ENOSF1: variants seen among roughly 807,000 people sequenced by gnomAD.
The protein encoded by ENOSF1 is mitochondrial enolase superfamily member 1.
A neutral mutation model predicts 68.2 loss-of-function variants in ENOSF1; 73 were observed. That is an observed-to-expected ratio of 1.07 (90% CI 0.89 to 1.30). The LOEUF (loss-of-function observed/expected upper bound fraction) is 1.30, where lower values mean the gene tolerates loss of function less well. ENOSF1 is among the 50% of genes most tolerant of loss of function. ENOSF1 has a pLI of 0.00. For synonymous variants in ENOSF1, 223 were observed against 210.4 expected (o/e 1.06, Z -0.52); for missense variants, 589 against 554.5 (o/e 1.06, Z -0.62).
chr18:693,375 G>A, intron 5 of ENOSF1: 1 of 1,164,392 alleles, frequency 8.6e-7, no homozygotes, highest in Non-Finnish European at 1.1e-6. Context: ...GAGTGCAGTG[G>A]TGCAATTATA....
chr18:690,667 T>C (rs2077051783), intron 7 of ENOSF1, 36 bp from the exon 8 acceptor site: 7 of 1,529,994 alleles, frequency 4.6e-6, no homozygotes, highest in South Asian at 1.2e-5. Context: ...TTTTGCACTT[T>C]CCAGGGCCCT....
Position 672,958 on chromosome 18 carries a change from C to T in ENOSF1, c.*1347G>A. 3.8e-6 allele frequency: 6 copies of T among 1,584,788 alleles called. No homozygotes were observed. Among genetic ancestry groups the T allele is most frequent in the Non-Finnish European group, 5.2e-6 (6 of 1,157,952 alleles). On this transcript the variant is annotated 3_prime_UTR_variant, in exon 16 of 16. Transcript: ENST00000647584. Reference sequence around the variant, plus strand: ...CTGAAGACTTTCAGATTGAAGGGTACAATCCGCATCCAACTATTAAAATGG... The same window carrying T: ...CTGAAGACTTTCAGATTGAAGGGTATAATCCGCATCCAACTATTAAAATGG...
intron 1 of ENOSF1, among the ~76,000 whole-genome samples, chr18:711,310 C>T (rs896092038): frequency 3.9e-5 from 6 of 152,098 alleles, no homozygotes; most frequent in African/African-American, 1.4e-4. Context: ...TAAAACATTT[C>T]AGGTACAAAA....
chr18:686,985 T>TC (rs954150009), intron 9 of ENOSF1: 10 of 152,024 alleles, frequency 6.6e-5, no homozygotes, highest in African/African-American at 9.7e-5. Context: ...CCTTTAAATC[T>TC]CCCCACAGCC....
intron 13 of ENOSF1, 113 bp from the exon 14 acceptor site, chr18:677,557 T>A: frequency 8.1e-7 from 1 of 1,239,306 alleles, no homozygotes; most frequent in Non-Finnish European, 1.1e-6. Flanking sequence ...CATTTATTAA[T>A]ATTTAGGAAG....
chr18:689,699 CCCT>C (rs539191404), intron 8 of ENOSF1, among the ~76,000 whole-genome samples: 55 of 152,226 alleles, frequency 3.6e-4, no homozygotes, highest in Middle Eastern at 3.4e-3. Flanking sequence ...ATCGCTGCCC[CCCT>C]ATTTCCTAAC....
intron 1 of ENOSF1, among the ~76,000 whole-genome samples, chr18:709,388 C>T (rs990027553): frequency 6.6e-6 from 1 of 152,010 alleles, no homozygotes; most frequent in South Asian, 2.1e-4. Flanking sequence ...CAGCCGACAG[C>T]GGAAAACGTA....
intron 1 of ENOSF1, among the ~76,000 whole-genome samples, chr18:709,474 G>C (rs2079280184): frequency 6.6e-6 from 1 of 152,146 alleles, no homozygotes; most frequent in Admixed American, 6.5e-5. Flanking sequence ...GTAGATTTCA[G>C]ATTAAGAAGG....
intron 5 of ENOSF1, 198 bp downstream of exon 5, chr18:693,684 C>T: frequency 1.0e-6 from 1 of 985,354 alleles, no homozygotes; most frequent in African/African-American, 1.7e-5. Context: ...CCTCATGCCA[C>T]CCTGCCTGCA....
rs1404239389 is a variant in ENOSF1 at position 691,217 on chromosome 18, CTCAG to C, written c.479_482del (p.Thr160ArgfsTer5). The stretch of plus-strand genomic sequence containing the variant: ...TTCCAAACTCACCTAGGGCATCCTC[CTCAG>C]TCAGGACATCAGTGATGTACCTGAA... On this transcript the variant is annotated frameshift_variant, in exon 6 of 16. Coordinates refer to ENST00000647584, the MANE Select transcript of ENOSF1 (RefSeq NM_017512.7). LOFTEE classifies it high-confidence loss of function. 1 of 1,614,068 alleles carries C rather than the reference CTCAG, an allele frequency of 6.2e-7. No homozygotes were observed. The highest frequency in any genetic ancestry group is 8.5e-7 in the Non-Finnish European group (1 of 1,180,030).
chr18:702,607 G>A (rs1007686846), intron 2 of ENOSF1, among the ~76,000 whole-genome samples: 3 of 151,944 alleles, frequency 2.0e-5, no homozygotes, highest in African/African-American at 7.3e-5. Flanking sequence ...AGGCATGGTG[G>A]CTTGTGCCTG....
downstream of ENOSF1, among the ~76,000 whole-genome samples, chr18:666,352 C>T (rs955779744): frequency 2.6e-5 from 4 of 151,982 alleles, 1 homozygote; most frequent in African/African-American, 9.7e-5. Context: ...CTGTAGGTGG[C>T]GCTGCTGTGA....
Position 708,930 on chromosome 18 carries a change from A to C in ENOSF1, c.85-2352T>G, listed in dbSNP as rs2079219644. ...GACCCATCGGCAGTTTCTGGGTTCC[A>C]AGAAGAGGAAGCAATGGAAAAAGGA... On this transcript the variant is annotated intron_variant, in intron 1 of 15. Coordinates refer to ENST00000647584, the MANE Select transcript of ENOSF1 (RefSeq NM_017512.7). Among the ~76,000 whole-genome samples the C allele has an allele frequency of 2.6e-5, 4 of 152,184 alleles. No homozygotes were observed. The South Asian group carries it at 8.3e-4, about 32-fold the overall frequency.
At chr18:701,773 T>C (rs1234638104) in intron 2 of ENOSF1, among the ~76,000 whole-genome samples, 1 of 120,512 alleles carries the variant, frequency 8.3e-6, no homozygotes, top group South Asian at 2.5e-4. Flanking sequence ...AAAAAAAAAT[T>C]AGCTGGCGTG....
chr18:676,582 T>C (rs2075547391), intron 14 of ENOSF1, among the ~76,000 whole-genome samples: 2 of 152,222 alleles, frequency 1.3e-5, no homozygotes, highest in Non-Finnish European at 2.9e-5. Context: ...CCTGCAGAAC[T>C]GTAAGCCAAT....
At chr18:702,940 A>C (rs889467369) in intron 2 of ENOSF1, among the ~76,000 whole-genome samples, 2 of 152,158 alleles carry the variant, frequency 1.3e-5, no homozygotes, top group African/African-American at 4.8e-5. Flanking sequence ...TATTTTTTTA[A>C]ATCATAAACA....
intron 1 of ENOSF1, among the ~76,000 whole-genome samples, chr18:708,947 G>C (rs2079221880): frequency 6.6e-6 from 1 of 152,134 alleles, no homozygotes; most frequent in African/African-American, 2.4e-5. Flanking sequence ...GGAAGCAATG[G>C]AAAAAGGAAA....
At chr18:679,483 AC>A (rs1216046515) in intron 11 of ENOSF1, among the ~76,000 whole-genome samples, 1 of 151,642 alleles carries the variant, frequency 6.6e-6, no homozygotes, top group Non-Finnish European at 1.5e-5. Context: ...TGTTGGGATT[AC>A]AGGTGTGAGC....
chr18:675,297 A>AG, intron 15 of ENOSF1, 24 bp downstream of exon 15: 1 of 1,588,272 alleles, frequency 6.3e-7, no homozygotes, highest in Non-Finnish European at 8.6e-7. Context: ...TCTCTTCTAC[A>AG]GGGGCCCTCA....
Sources: gnomAD v4.1 joint callset for allele counts (sites outside exome capture counted in the v4.1 genomes callset) on GRCh38, gnomAD v4.1.1 for gene constraint, MANE v1.5 for transcripts, NCBI Gene and HGNC (gene_info 2026-07-23, HGNC 2026-07-21) for gene names.